The following CRACD variants were observed in gnomAD, a reference collection of about 807,000 sequenced individuals.
CRACD encodes capping protein-inhibiting regulator of actin dynamics.
Under a neutral mutation model 106.8 loss-of-function variants are expected in CRACD, and 56 were observed. The observed-to-expected ratio is 0.52, with a 90% CI of 0.42 to 0.66. The LOEUF is 0.66. Among genes scored for constraint, CRACD ranks in the 30% least tolerant of loss-of-function variants. The pLI, the probability that CRACD is intolerant of heterozygous loss-of-function variation, is 0.00. For missense variants in CRACD, 1,730 were observed against 1,623.2 expected (o/e 1.07, Z -1.13); for synonymous variants, 754 against 670.8 (o/e 1.12, Z -1.92).
intron 4 of CRACD, among the ~76,000 whole-genome samples, chr4:56,304,962 G>A (rs995171937): frequency 6.6e-6 from 1 of 152,114 alleles, no homozygotes; most frequent in African/African-American, 2.4e-5. Context: ...GTTCATACCT[G>A]TAATCCCAGC....
chr4:56,276,567 T>C (rs1427263733), intron 3 of CRACD, among the ~76,000 whole-genome samples: 2 of 152,186 alleles, frequency 1.3e-5, no homozygotes, highest in Non-Finnish European at 2.9e-5. Flanking sequence ...GATATTATTA[T>C]CAACAGTTCA....
chr4:56,296,437 C>T (rs1282672384), intron 3 of CRACD, among the ~76,000 whole-genome samples: 2 of 152,062 alleles, frequency 1.3e-5, no homozygotes, highest in Non-Finnish European at 2.9e-5. Context: ...TTGTAAACCT[C>T]GCACACTTTT....
Position 56,314,101 on chromosome 4 carries a change from C to T in CRACD, c.599C>T (p.Pro200Leu), listed in dbSNP as rs761324098. 1 of 1,614,192 alleles carries T rather than the reference C, an allele frequency of 6.2e-7. No individual in the cohort carries two copies. Among genetic ancestry groups the T allele is most frequent in the South Asian group, 1.1e-5 (1 of 91,084 alleles). The change falls in exon 8 of 11, where the codon CCA (proline) becomes CTA (leucine). Residue 200 changes from proline to leucine, a missense_variant. By Grantham distance (98) the Pro-to-Leu change is moderately conservative (BLOSUM62 -3). Transcript: ENST00000682029. This position sits in a 1 kb window ranked among gnomAD's most constrained non-coding sequence, Gnocchi z 4.4. ...CCCTGCCTGGACCAGAACGGACACC[C>T]AGGCGAGGACAAGCCAACGTGGCAC... Reference protein sequence around the residue: ...SRPCLDQNGHPGEDKPTWHEE... With the variant: ...SRPCLDQNGHLGEDKPTWHEE...
At chr4:56,293,554 G>A (rs918284598) in intron 3 of CRACD, among the ~76,000 whole-genome samples, 17 of 152,306 alleles carry the variant, frequency 1.1e-4, no homozygotes, top group Admixed American at 7.2e-4. Context: ...CCGTGATCCT[G>A]CATGCTGTAC....
At chr4:56,147,619 G>C (rs1406163521) in intron 1 of CRACD, among the ~76,000 whole-genome samples, 5 of 152,158 alleles carry the variant, frequency 3.3e-5, no homozygotes, top group Non-Finnish European at 5.9e-5. Context: ...AAGTTTTTTG[G>C]TGGACATATG....
intron 3 of CRACD, among the ~76,000 whole-genome samples, chr4:56,273,365 T>C (rs1202617106): frequency 7.2e-6 from 1 of 138,962 alleles, no homozygotes; most frequent in East Asian, 2.5e-4. Flanking sequence ...CCCTCCCTCG[T>C]TTCTTCCTTC....
intron 2 of CRACD, among the ~76,000 whole-genome samples, chr4:56,255,133 A>AAAAAAAAAAT (rs60416477): frequency 7.2e-6 from 1 of 138,810 alleles, no homozygotes; most frequent in Admixed American, 7.7e-5. Flanking sequence ...AAAAAAAAAA[A>AAAAAAAAAAT]ACTAAAAATT....
chr4:56,100,042 A>G lies in CRACD; in HGVS notation c.-336+50743A>G, dbSNP rs59023016. Among the ~76,000 whole-genome samples the G allele has an allele frequency of 9.6e-3, 1,468 of 152,242 alleles. 28 individuals carry two copies. The highest frequency in any genetic ancestry group is 0.065 in the East Asian group (334 of 5,156). ...CGGATCACGAGGTCAGGAGTTTGAG[A>G]CCAGCCTGGCTACCATGGTGAAACC... On this transcript the variant is annotated intron_variant, in intron 1 of 10. Transcript: ENST00000682029.
chr4:56,307,747 G>A (rs1159680209), intron 5 of CRACD, 48 bp downstream of exon 5: 1 of 1,593,146 alleles, frequency 6.3e-7, no homozygotes. Flanking sequence ...ACCAGGGCAG[G>A]ACATTGGGCC....
At chr4:56,239,045 C>T (rs1740186627) in intron 2 of CRACD, among the ~76,000 whole-genome samples, 1 of 152,160 alleles carries the variant, frequency 6.6e-6, no homozygotes, top group Admixed American at 6.5e-5. Context: ...ATAATCCCAG[C>T]ACTTTGGGAG....
At chr4:56,111,601 G>A (rs1246200608) in intron 1 of CRACD, among the ~76,000 whole-genome samples, 1 of 152,204 alleles carries the variant, frequency 6.6e-6, no homozygotes, top group Non-Finnish European at 1.5e-5. Flanking sequence ...GAGTGCAGTG[G>A]CGCAATCTTG....
intron 3 of CRACD, among the ~76,000 whole-genome samples, chr4:56,290,869 ATGAAAACTG>A (rs1743666355): frequency 6.6e-6 from 1 of 152,196 alleles, no homozygotes; most frequent in Admixed American, 6.5e-5. Context: ...TTCTAGGCTT[ATGAAAACTG>A]TGAAAACTGT....
intron 8 of CRACD, among the ~76,000 whole-genome samples, chr4:56,319,680 T>A (rs1462621755): frequency 6.6e-6 from 1 of 152,216 alleles, no homozygotes; most frequent in Admixed American, 6.5e-5. Flanking sequence ...ATTCTAATCT[T>A]TCTTTCTTAA....
chr4:56,197,775 T>G (rs553524035), intron 2 of CRACD, among the ~76,000 whole-genome samples: 6 of 152,170 alleles, frequency 3.9e-5, no homozygotes, highest in Admixed American at 1.3e-4. Context: ...CCTCCCGGGT[T>G]CACGCCGTTC....
At chr4:56,209,478 A>G (rs901850753) in intron 2 of CRACD, among the ~76,000 whole-genome samples, 54 of 152,234 alleles carry the variant, frequency 3.5e-4, no homozygotes, top group African/African-American at 1.2e-3. Context: ...TTTTAATTAC[A>G]TATATTAACT....
At chr4:56,170,231 A>G (rs981312319) in intron 1 of CRACD, 2 of 152,262 alleles carry the variant, frequency 1.3e-5, no homozygotes, top group Admixed American at 6.5e-5. Flanking sequence ...ATCCTGGTAG[A>G]ATCCACGTAG....
intron 1 of CRACD, among the ~76,000 whole-genome samples, chr4:56,074,963 G>A (rs923595020): frequency 3.3e-5 from 5 of 152,122 alleles, no homozygotes; most frequent in African/African-American, 9.7e-5. Flanking sequence ...TTTGTGATTG[G>A]TTCTGTTTAT....
chr4:56,113,455 T>C (rs1181049327), intron 1 of CRACD, among the ~76,000 whole-genome samples: 1 of 152,252 alleles, frequency 6.6e-6, no homozygotes, highest in African/African-American at 2.4e-5. Flanking sequence ...ACTTCTTTTC[T>C]ATGGGACATT....
At chr4:56,118,417 A>G (rs1453588300) in intron 1 of CRACD, among the ~76,000 whole-genome samples, 5 of 152,230 alleles carry the variant, frequency 3.3e-5, no homozygotes, top group African/African-American at 1.2e-4. Context: ...CAAATCTATG[A>G]GAAGGAACAG....
Sources: allele counts gnomAD v4.1 joint callset (sites outside exome capture counted in the v4.1 genomes callset), GRCh38; gene constraint gnomAD v4.1.1; non-coding constraint Gnocchi (gnomAD v3.1); transcripts MANE v1.5; gene names NCBI Gene and HGNC (gene_info 2026-07-23, HGNC 2026-07-21).